Variants in PDCL2 observed in about 807,000 individuals in gnomAD.
PDCL2 encodes the protein phosducin like 2.
Under a neutral mutation model 30.3 loss-of-function variants are expected in PDCL2, and 23 were observed. The ratio of observed to expected loss-of-function variants is 0.76; its 90% CI spans 0.55 to 1.08. PDCL2 has a LOEUF of 1.08. Among genes scored for constraint, PDCL2 ranks in the 50% least tolerant of loss-of-function variants. The pLI, the probability that PDCL2 is intolerant of heterozygous loss-of-function variation, is 0.00. For synonymous variants in PDCL2, 68 were observed against 86.2 expected (o/e 0.79, Z 1.17); for missense variants, 243 against 282.3 (o/e 0.86, Z 1.00).
rs767804107 is a variant in PDCL2 at position 55,562,373 on chromosome 4, T to C, written c.571+31A>G. On this transcript the variant is annotated intron_variant, in intron 5 of 5. Coordinates refer to ENST00000295645, the MANE Select transcript of PDCL2 (RefSeq NM_152401.3). Reference sequence around the variant, plus strand: ...GTTAGTTTGCAGATGTTTTCACCTATCATTTTTATAAACAAAATTTGTAAC... The same window carrying C: ...GTTAGTTTGCAGATGTTTTCACCTACCATTTTTATAAACAAAATTTGTAAC... The C allele has an allele frequency of 3.0e-6, 4 of 1,339,868 alleles. No homozygotes were observed. The South Asian group carries it at 7.5e-5, about 25-fold the overall frequency. 83.0% of individuals were successfully genotyped at this position (1,339,868 alleles called of 1,614,324 possible).
At chr4:55,591,463 A>G (rs1732998454) in intron 1 of PDCL2, among the ~76,000 whole-genome samples, 1 of 152,264 alleles carries the variant, frequency 6.6e-6, no homozygotes, top group Non-Finnish European at 1.5e-5. Context: ...ATCTCGGCTC[A>G]CTGAAACCTC....
chr4:55,558,052 C>G (rs1288304398), intron 5 of PDCL2, among the ~76,000 whole-genome samples: 2 of 147,348 alleles, frequency 1.4e-5, no homozygotes, highest in African/African-American at 5.0e-5. Context: ...ACCCAGGAGG[C>G]AGAGGTTGTA....
chr4:55,574,499 A>G (rs535129382), intron 3 of PDCL2, among the ~76,000 whole-genome samples: 8 of 152,306 alleles, frequency 5.3e-5, no homozygotes, highest in African/African-American at 1.9e-4. Flanking sequence ...GGTTTCTGAG[A>G]TTATGTAGCC....
Position 55,580,970 on chromosome 4 carries a change from C to T in PDCL2, c.128-59G>A, listed in dbSNP as rs549531216. ...TTTAAAAATTTTTTTACTATACAGT[C>T]AATGTCTAGAAAAAAACCGTCTTAT... On this transcript the variant is annotated intron_variant, in intron 2 of 5. Coordinates refer to ENST00000295645, the MANE Select transcript of PDCL2 (RefSeq NM_152401.3). The T allele has an allele frequency of 9.4e-5, 118 of 1,260,842 alleles. No individual in the cohort carries two copies. The African/African-American group carries it at 2.6e-3, about 28-fold the overall frequency. The allele number at this position is 1,260,842 out of a possible 1,614,324, so 78.1% of individuals were successfully genotyped here.
intron 3 of PDCL2, among the ~76,000 whole-genome samples, chr4:55,576,414 C>CT (rs888041250): frequency 6.6e-6 from 1 of 152,094 alleles, no homozygotes; most frequent in Non-Finnish European, 1.5e-5. Context: ...TCTAACTTCT[C>CT]TTTTTTTCCT....
chr4:55,583,453 G>A (rs985016239), intron 1 of PDCL2, among the ~76,000 whole-genome samples: 2 of 152,096 alleles, frequency 1.3e-5, no homozygotes, highest in Non-Finnish European at 2.9e-5. Flanking sequence ...TTTGTTGACT[G>A]AGCTTGGGGG....
intron 4 of PDCL2, among the ~76,000 whole-genome samples, chr4:55,564,518 AG>A (rs1732212520): frequency 6.6e-6 from 1 of 152,220 alleles, no homozygotes; most frequent in South Asian, 2.1e-4. Context: ...CTTGGGTATA[AG>A]AATAATATAA....
intron 3 of PDCL2, among the ~76,000 whole-genome samples, chr4:55,574,095 C>T (rs930975609): frequency 5.9e-5 from 9 of 152,040 alleles, no homozygotes; most frequent in Non-Finnish European, 1.3e-4. Context: ...TTTAAATCAG[C>T]ACTAGCAAGA....
intron 1 of PDCL2, among the ~76,000 whole-genome samples, chr4:55,587,048 C>G (rs1732879720): frequency 6.7e-6 from 1 of 150,286 alleles, no homozygotes; most frequent in South Asian, 2.1e-4. Context: ...TTATAAAGAA[C>G]AGAAATTTAT....
At chr4:55,565,538 C>T (rs1480583468) in intron 4 of PDCL2, among the ~76,000 whole-genome samples, 2 of 152,152 alleles carry the variant, frequency 1.3e-5, no homozygotes, top group East Asian at 3.8e-4. Flanking sequence ...CTCATTATCA[C>T]AAGAACAGCA....
At chr4:55,582,268 C>T in intron 1 of PDCL2, 31 bp from the exon 2 acceptor site, 3 of 1,561,512 alleles carry the variant, frequency 1.9e-6, no homozygotes, top group South Asian at 2.4e-5. Context: ...AGAAAATTAA[C>T]ATGGTTGTAC....
chr4:55,584,464 C>T (rs1732809984), intron 1 of PDCL2, among the ~76,000 whole-genome samples: 1 of 152,068 alleles, frequency 6.6e-6, no homozygotes, highest in African/African-American at 2.4e-5. Context: ...ACCATGTTGG[C>T]CAGGCTGGTC....
At chr4:55,565,976 T>G (rs964222985) in intron 4 of PDCL2, among the ~76,000 whole-genome samples, 2 of 83,318 alleles carry the variant, frequency 2.4e-5, no homozygotes, top group African/African-American at 3.9e-5. Context: ...TTTTTCTGTT[T>G]TTTTTTTTTT....
intron 3 of PDCL2, among the ~76,000 whole-genome samples, chr4:55,574,981 C>A (rs1732526215): frequency 6.6e-6 from 1 of 152,188 alleles, no homozygotes; most frequent in Non-Finnish European, 1.5e-5. Flanking sequence ...TGAGGATCCA[C>A]CAGACTGTTT....
intron 4 of PDCL2, among the ~76,000 whole-genome samples, chr4:55,569,072 T>A (rs1485062874): frequency 6.6e-6 from 1 of 151,416 alleles, no homozygotes; most frequent in East Asian, 1.9e-4. Flanking sequence ...CCCTTTGAGT[T>A]ACTTATCACT....
In PDCL2 at chr4:55,584,812, G is replaced by A. The variant is rs76987507; in HGVS notation, c.7-2575C>T. Among the ~76,000 whole-genome samples the A allele has an allele frequency of 5.4e-3, 817 of 152,144 alleles. 7 individuals carry two copies. The highest frequency in any genetic ancestry group is 0.019 in the African/African-American group (787 of 41,528). On this transcript the variant is annotated intron_variant, in intron 1 of 5. Coordinates refer to ENST00000295645, the MANE Select transcript of PDCL2 (RefSeq NM_152401.3). ...AGTGAGAATGGGCATCCTTGTCTAC[G>A]AAAAAAACCTTTCAACTTTACCATT...
At chr4:55,558,327 C>G (rs918106180) in intron 5 of PDCL2, among the ~76,000 whole-genome samples, 1 of 152,078 alleles carries the variant, frequency 6.6e-6, no homozygotes, top group African/African-American at 2.4e-5. Context: ...TACCTCCATG[C>G]TGTTCTCTTG....
chr4:55,591,403 G>GTTTGTTTT (rs367768218), intron 1 of PDCL2, among the ~76,000 whole-genome samples: 7,496 of 152,188 alleles, frequency 0.049, 203 homozygotes, highest in South Asian at 0.15. Context: ...TTGTTTGTTT[G>GTTTGTTTT]TTCTGAGGCG....
At chr4:55,570,857 T>C (rs1236662389) in intron 3 of PDCL2, among the ~76,000 whole-genome samples, 1 of 152,242 alleles carries the variant, frequency 6.6e-6, no homozygotes, top group Non-Finnish European at 1.5e-5. Flanking sequence ...TGGAAGTATT[T>C]ACTCCTTTTC....
Sources: gnomAD v4.1 joint callset for allele counts (sites outside exome capture counted in the v4.1 genomes callset) on GRCh38, gnomAD v4.1.1 for gene constraint, MANE v1.5 for transcripts, NCBI Gene and HGNC (gene_info 2026-07-23, HGNC 2026-07-21) for gene names.